PPP1R16B: variants seen among roughly 807,000 people sequenced by gnomAD.
The protein encoded by PPP1R16B is protein phosphatase 1 regulatory inhibitor subunit 16B.
A neutral mutation model predicts 61.7 loss-of-function variants in PPP1R16B; 14 were observed. That is an observed-to-expected ratio of 0.23 (90% CI 0.15 to 0.35). The LOEUF is 0.35. PPP1R16B is among the 10% of genes least tolerant of loss of function. The pLI, the probability that PPP1R16B is intolerant of heterozygous loss-of-function variation, is 1.00. For synonymous variants in PPP1R16B, 266 were observed against 305.3 expected, an observed-to-expected ratio of 0.87 and a Z score of 1.34; for missense variants, 547 against 752.5, an observed-to-expected ratio of 0.73 and a Z score of 3.19.
At chr20:38,829,538 G>T (rs530086774) in intron 1 of PPP1R16B, among the ~76,000 whole-genome samples, 1 of 152,316 alleles carries the variant, frequency 6.6e-6, no homozygotes, top group Admixed American at 6.5e-5. Flanking sequence ...CTTCCTTGGG[G>T]ATCCCCTTTA....
intron 4 of PPP1R16B, among the ~76,000 whole-genome samples, chr20:38,896,174 C>T (rs2085346630): frequency 1.1e-5 from 1 of 91,170 alleles, no homozygotes; most frequent in Non-Finnish European, 2.1e-5. Context: ...TTCCTTCCTT[C>T]TTTCTTCCCT....
chr20:38,900,993 C>T (rs1292158964), intron 5 of PPP1R16B, among the ~76,000 whole-genome samples: 5 of 152,208 alleles, frequency 3.3e-5, no homozygotes, highest in African/African-American at 1.2e-4. Flanking sequence ...AATAAATGTT[C>T]ACCATAAAGA....
chr20:38,906,368 A>G (rs964541225), intron 7 of PPP1R16B, among the ~76,000 whole-genome samples: 2 of 132,848 alleles, frequency 1.5e-5, no homozygotes, highest in African/African-American at 5.7e-5. Context: ...ATCTCATCTC[A>G]CTGCAACCTC....
intron 2 of PPP1R16B, among the ~76,000 whole-genome samples, chr20:38,888,876 AACACACACACACACACACACACACACAC>A (rs1181903301): frequency 8.9e-6 from 1 of 112,236 alleles, no homozygotes; most frequent in African/African-American, 3.6e-5. Flanking sequence ...AGAATCCCTG[AACACACACACACACACACACACACACAC>A]ACACACACAC....
chr20:38,911,559 CAG>C (rs1418678290), intron 10 of PPP1R16B, among the ~76,000 whole-genome samples: 2 of 146,868 alleles, frequency 1.4e-5, no homozygotes, highest in African/African-American at 2.5e-5. Flanking sequence ...TAAATTGAGA[CAG>C]AGTCTCGCTT....
chr20:38,866,780 C>A (rs889276876), intron 2 of PPP1R16B, among the ~76,000 whole-genome samples: 1 of 152,160 alleles, frequency 6.6e-6, no homozygotes, highest in Non-Finnish European at 1.5e-5. Context: ...TCACAAAACA[C>A]AAAATTAACC....
At chr20:38,822,882 G>A (rs1458133011) in intron 1 of PPP1R16B, among the ~76,000 whole-genome samples, 2 of 152,160 alleles carry the variant, frequency 1.3e-5, no homozygotes, top group Admixed American at 6.5e-5. Flanking sequence ...GTAGACCAAA[G>A]CAGTTAACAA....
In PPP1R16B at chr20:38,808,981, C is replaced by T. The variant is rs1224070416; in HGVS notation, c.-102+3189C>T. ...CCGGGAGCAGGAGGTTGCAATGAGCCGAGATCACATGACTGCACTCCAGCC... is the reference window on the plus strand; with the variant it reads ...CCGGGAGCAGGAGGTTGCAATGAGCTGAGATCACATGACTGCACTCCAGCC... On this transcript the variant is annotated intron_variant, in intron 1 of 10. Coordinates refer to ENST00000299824, the MANE Select transcript of PPP1R16B (RefSeq NM_015568.4). Among the ~76,000 whole-genome samples, 6 of 151,528 alleles carry T rather than the reference C, an allele frequency of 4.0e-5. No homozygotes were observed. In the South Asian group the frequency reaches 6.2e-4, roughly 16 times the overall value.
chr20:38,817,949 C>A (rs1421927534), intron 1 of PPP1R16B, among the ~76,000 whole-genome samples: 4 of 152,196 alleles, frequency 2.6e-5, no homozygotes, highest in Admixed American at 2.6e-4. Context: ...GAGGCTGAGG[C>A]AGGAGAAAGG....
intron 2 of PPP1R16B, among the ~76,000 whole-genome samples, chr20:38,880,626 C>T (rs910561132): frequency 1.1e-4 from 16 of 152,114 alleles, no homozygotes; most frequent in African/African-American, 3.9e-4. Context: ...CTTGATCACA[C>T]CACTGTACTC....
intron 1 of PPP1R16B, among the ~76,000 whole-genome samples, chr20:38,827,072 C>T (rs2084809491): frequency 6.6e-6 from 1 of 152,080 alleles, no homozygotes; most frequent in Admixed American, 6.5e-5. Context: ...ACCTCAGCCT[C>T]CCAAGTAGCT....
intron 1 of PPP1R16B, among the ~76,000 whole-genome samples, chr20:38,823,815 G>A (rs2084787507): frequency 6.6e-6 from 1 of 152,136 alleles, no homozygotes; most frequent in Non-Finnish European, 1.5e-5. Context: ...AGTAAGGGAA[G>A]TTATGACTTT....
chr20:38,826,265 C>G (rs919669155), intron 1 of PPP1R16B, among the ~76,000 whole-genome samples: 74 of 152,120 alleles, frequency 4.9e-4, no homozygotes, highest in African/African-American at 1.7e-3. Context: ...AATTTGACTC[C>G]CGTTTCCCCA....
At position 38,920,281 on chromosome 20, in the gene PPP1R16B, C is replaced by T. The variant is rs1377261060; in HGVS notation, c.*1615C>T. On this transcript the variant is annotated 3_prime_UTR_variant, in exon 11 of 11. Transcript: ENST00000299824. Reference sequence around the variant, plus strand: ...GTACCCGATAAGCTGCAGGTTATCCCTTGCTCTGTGCGCCTTTTATTTGTC... The same window carrying T: ...GTACCCGATAAGCTGCAGGTTATCCTTTGCTCTGTGCGCCTTTTATTTGTC... The T allele has an allele frequency of 6.5e-6, 1 of 152,752 alleles. No individual in the cohort carries two copies. Among genetic ancestry groups the T allele is most frequent in the South Asian group, 2.1e-4 (1 of 4,828 alleles). The allele number at this position is 152,752 out of a possible 1,614,324, so 9.5% of individuals were successfully genotyped here.
chr20:38,891,021 C>T (rs1385416974), intron 3 of PPP1R16B, among the ~76,000 whole-genome samples: 3 of 152,218 alleles, frequency 2.0e-5, no homozygotes, highest in Non-Finnish European at 4.4e-5. Flanking sequence ...AGACTCCCAG[C>T]TCCATGAACC....
rs931759099 is a variant in PPP1R16B at position 38,900,759 on chromosome 20, G to A, written c.571+75G>A. 1.4e-5 allele frequency: 16 copies of A among 1,171,288 alleles called. No individual in the cohort carries two copies. The Admixed American group carries it at 2.7e-4, about 20-fold the overall frequency. 72.6% of individuals were successfully genotyped at this position (1,171,288 alleles called of 1,614,324 possible). On this transcript the variant is annotated intron_variant, in intron 5 of 10. Coordinates refer to ENST00000299824, the MANE Select transcript of PPP1R16B (RefSeq NM_015568.4). ...GAGCGTCCCTTAAATCAATGCAGGCGAACAGATTAGCTACGCATCGGCCTG... is the reference window on the plus strand; with the variant it reads ...GAGCGTCCCTTAAATCAATGCAGGCAAACAGATTAGCTACGCATCGGCCTG...
intron 1 of PPP1R16B, among the ~76,000 whole-genome samples, chr20:38,807,034 T>G (rs2084666963): frequency 6.6e-6 from 1 of 152,170 alleles, no homozygotes; most frequent in African/African-American, 2.4e-5. Context: ...GGACACCAGG[T>G]GCCGCCTCTG....
chr20:38,822,128 A>G (rs1206223564), intron 1 of PPP1R16B, among the ~76,000 whole-genome samples: 3 of 151,646 alleles, frequency 2.0e-5, no homozygotes, highest in Admixed American at 1.3e-4. Flanking sequence ...GGTGGACAAC[A>G]TCTGAAATCT....
chr20:38,912,862 T>C (rs987614138), intron 10 of PPP1R16B, among the ~76,000 whole-genome samples: 1 of 152,112 alleles, frequency 6.6e-6, no homozygotes, highest in Non-Finnish European at 1.5e-5. Flanking sequence ...TCACTGTTTT[T>C]TGTTTTTGTT....
Sources: gnomAD v4.1 joint callset for allele counts (sites outside exome capture counted in the v4.1 genomes callset) on GRCh38, gnomAD v4.1.1 for gene constraint, MANE v1.5 for transcripts, NCBI Gene and HGNC (gene_info 2026-07-23, HGNC 2026-07-21) for gene names.